The following OPRM1 variants were observed in gnomAD, a reference collection of about 807,000 sequenced individuals.
OPRM1 encodes opioid receptor mu 1.
OPRM1 carries 27 observed loss-of-function variants against 31.8 expected under a neutral mutation model. That is an observed-to-expected ratio of 0.85 (90% CI 0.63 to 1.17). OPRM1 has a LOEUF of 1.17. Ranked by LOEUF, OPRM1 falls within the 50% of genes most tolerant of loss-of-function variation. The probability of loss-of-function intolerance (pLI) is 0.00; values close to 1 mark genes in which losing one functional copy is unlikely to be tolerated. For missense variants in OPRM1, 536 were observed against 511.1 expected, an observed-to-expected ratio of 1.05 and a Z score of -0.47; for synonymous variants, 196 against 189.9, an observed-to-expected ratio of 1.03 and a Z score of -0.26.
chr6:154,241,159 C>T (rs972721721), intron 3 of OPRM1, among the ~76,000 whole-genome samples: 12 of 151,224 alleles, frequency 7.9e-5, no homozygotes, highest in Middle Eastern at 3.4e-3. Context: ...TCGCTTGAAC[C>T]CGGGAGGCGG....
intron 1 of OPRM1, among the ~76,000 whole-genome samples, chr6:154,080,343 T>C (rs1196494533): frequency 6.6e-6 from 1 of 152,232 alleles, no homozygotes; most frequent in Non-Finnish European, 1.5e-5. Context: ...TTTCAGACGA[T>C]TGCCATGAAA....
intron 1 of OPRM1, among the ~76,000 whole-genome samples, chr6:154,031,741 G>A (rs781498568): frequency 9.9e-5 from 15 of 151,820 alleles, no homozygotes; most frequent in Admixed American, 1.3e-4. Context: ...ACTCCGTCTC[G>A]GAAAAAAATA....
chr6:154,141,424 G>A (rs1207399877), intron 3 of OPRM1, among the ~76,000 whole-genome samples: 2 of 152,150 alleles, frequency 1.3e-5, no homozygotes, highest in African/African-American at 4.8e-5. Context: ...GGTGGGGCTG[G>A]TGGTATTCGC....
intron 1 of OPRM1, among the ~76,000 whole-genome samples, chr6:154,066,842 G>C (rs944434638): frequency 6.6e-6 from 1 of 151,992 alleles, no homozygotes; most frequent in South Asian, 2.1e-4. Context: ...CATTTTTGTT[G>C]TTAAAACCAC....
chr6:154,078,838 A>T (rs1269600205), intron 1 of OPRM1, among the ~76,000 whole-genome samples: 1 of 152,198 alleles, frequency 6.6e-6, no homozygotes, highest in Non-Finnish European at 1.5e-5. Flanking sequence ...TAATTGTGCC[A>T]CTGCACTCCA....
chr6:154,181,904 T>A (rs1184869507), intron 3 of OPRM1, among the ~76,000 whole-genome samples: 1 of 152,132 alleles, frequency 6.6e-6, no homozygotes, highest in Non-Finnish European at 1.5e-5. Flanking sequence ...ACTGCAGCCA[T>A]GTATTAAACA....
Position 154,091,439 on chromosome 6 carries a change from C to T in OPRM1, c.1131C>T (p.Ser377=). The part of the protein sequence containing the change: ...RIRQNTRDHP[S]TANTVDRTNH... The stretch of plus-strand genomic sequence containing the variant: ...GTCAGAACACTAGAGACCACCCCTC[C>T]ACGGCCAATACAGTGGATAGAACTA... The change falls in exon 3 of 4, where the codon TCC becomes TCT. Residue 377 remains serine (S), a synonymous_variant. Transcript: ENST00000330432. The T allele has an allele frequency of 6.2e-7, 1 of 1,613,530 alleles. No homozygotes were observed.
At chr6:154,046,491 T>A (rs764890286) in intron 1 of OPRM1, among the ~76,000 whole-genome samples, 3 of 152,202 alleles carry the variant, frequency 2.0e-5, no homozygotes, top group Non-Finnish European at 2.9e-5. Flanking sequence ...TCCATTAATT[T>A]CATGTTATAT....
At chr6:154,223,346 G>A (rs974746704) in intron 3 of OPRM1, 5 of 904,866 alleles carry the variant, frequency 5.5e-6, no homozygotes, top group Non-Finnish European at 7.0e-6. Context: ...ATGACATGAG[G>A]GAGAATCAAG....
chr6:154,146,847 G>A (rs1798371203), intron 3 of OPRM1, among the ~76,000 whole-genome samples: 1 of 152,114 alleles, frequency 6.6e-6, no homozygotes, highest in African/African-American at 2.4e-5. Flanking sequence ...GGGGATTTTT[G>A]TTAAAGTGAT....
chr6:154,243,657 C>T (rs1361396988), intron 3 of OPRM1, among the ~76,000 whole-genome samples: 1 of 152,152 alleles, frequency 6.6e-6, no homozygotes, highest in Non-Finnish European at 1.5e-5. Flanking sequence ...TCTCAGAACC[C>T]GTTGAAGGCA....
chr6:154,087,697 C>T (rs1252469638), intron 1 of OPRM1: 29 of 566,622 alleles, frequency 5.1e-5, no homozygotes, highest in Non-Finnish European at 6.5e-5. Context: ...GGTCACTAAA[C>T]GTCTTCACGC....
intron 1 of OPRM1, among the ~76,000 whole-genome samples, chr6:154,016,154 C>G (rs951622584): frequency 2.6e-5 from 4 of 152,160 alleles, no homozygotes; most frequent in African/African-American, 7.2e-5. Context: ...CAGGGCAATT[C>G]ACTGTACTCC....
intron 1 of OPRM1, among the ~76,000 whole-genome samples, chr6:154,025,370 A>G (rs972244020): frequency 3.3e-5 from 5 of 151,998 alleles, no homozygotes; most frequent in Non-Finnish European, 4.4e-5. Context: ...TTCCATTGAC[A>G]TGGAATATCT....
At chr6:154,191,446 G>A (rs953458061) in intron 3 of OPRM1, among the ~76,000 whole-genome samples, 1 of 152,146 alleles carries the variant, frequency 6.6e-6, no homozygotes, top group Non-Finnish European at 1.5e-5. Context: ...GGCCGAGGCA[G>A]GTGGATCACC....
intron 3 of OPRM1, among the ~76,000 whole-genome samples, chr6:154,197,756 A>G (rs9478523): frequency 0.094 from 14,271 of 152,276 alleles, 1,016 homozygotes; most frequent in African/African-American, 0.2. Context: ...CTCCAGGGTT[A>G]TCTCTTGGGA....
intron 1 of OPRM1, among the ~76,000 whole-genome samples, chr6:154,020,669 A>G (rs1170005961): frequency 6.6e-6 from 1 of 152,204 alleles, no homozygotes; most frequent in Non-Finnish European, 1.5e-5. Flanking sequence ...TCCCACCAGC[A>G]ATGAATGAGA....
At chr6:154,055,440 T>C (rs544086295) in intron 1 of OPRM1, among the ~76,000 whole-genome samples, 1 of 152,104 alleles carries the variant, frequency 6.6e-6, no homozygotes, top group Admixed American at 6.5e-5. Flanking sequence ...AGAGTTTTAT[T>C]AGCTCCTAAT....
chr6:154,165,842 C>G (rs1799383770), intron 3 of OPRM1, among the ~76,000 whole-genome samples: 2 of 152,370 alleles, frequency 1.3e-5, no homozygotes, highest in South Asian at 4.1e-4. Context: ...AGCCAGTTTC[C>G]AAGTTGTGAC....
Sources: allele counts gnomAD v4.1 joint callset (sites outside exome capture counted in the v4.1 genomes callset), GRCh38; gene constraint gnomAD v4.1.1; transcripts MANE v1.5; gene names NCBI Gene and HGNC (gene_info 2026-07-23, HGNC 2026-07-21).